Variants in FAM222A observed in about 807,000 individuals in gnomAD.
FAM222A encodes the protein protein FAM222A.
FAM222A carries 7 observed loss-of-function variants against 25.8 expected under a neutral mutation model. The ratio of observed to expected loss-of-function variants is 0.27; its 90% CI spans 0.15 to 0.51. The LOEUF (loss-of-function observed/expected upper bound fraction) is 0.51. Ranked by LOEUF, FAM222A falls within the 20% of genes least tolerant of loss-of-function variation. The pLI is 0.97. For synonymous variants in FAM222A, 294 were observed against 298.8 expected, an observed-to-expected ratio of 0.98 and a Z score of 0.17; for missense variants, 573 against 640.5, an observed-to-expected ratio of 0.89 and a Z score of 1.14.
At chr12:109,730,545 C>G (rs1281799533) in intron 1 of FAM222A, among the ~76,000 whole-genome samples, 2 of 152,206 alleles carry the variant, frequency 1.3e-5, no homozygotes, top group Non-Finnish European at 2.9e-5. Context: ...AGACAAGAAG[C>G]TCAGATACTC....
chr12:109,754,524 G>GTAA (rs1888658052), intron 2 of FAM222A, among the ~76,000 whole-genome samples: 1 of 152,182 alleles, frequency 6.6e-6, no homozygotes, highest in Non-Finnish European at 1.5e-5. Context: ...AGTTTCTTTT[G>GTAA]TAATTTATTA....
At chr12:109,754,994 T>C (rs912263326) in intron 2 of FAM222A, among the ~76,000 whole-genome samples, 1 of 152,028 alleles carries the variant, frequency 6.6e-6, no homozygotes, top group Non-Finnish European at 1.5e-5. Flanking sequence ...ATTCAGCAAT[T>C]TGTCTTTTTA....
intron 2 of FAM222A, among the ~76,000 whole-genome samples, chr12:109,765,687 G>A (rs1025542817): frequency 3.3e-5 from 5 of 152,152 alleles, no homozygotes; most frequent in African/African-American, 9.7e-5. Flanking sequence ...GTGAGCCCAC[G>A]AGGTGTCAGG....
chr12:109,738,417 T>C (rs1888143813), intron 1 of FAM222A, among the ~76,000 whole-genome samples: 1 of 152,156 alleles, frequency 6.6e-6, no homozygotes, highest in Non-Finnish European at 1.5e-5. Flanking sequence ...CATTTCAGGC[T>C]CCTATCTGCC....
intron 1 of FAM222A, chr12:109,720,116 G>A (rs1887720703): frequency 1.0e-6 from 1 of 985,322 alleles, no homozygotes; most frequent in African/African-American, 1.7e-5. Context: ...TGGGTGGGCT[G>A]GGCTTGAATA....
At chr12:109,718,697 C>T (rs1887695153) in intron 1 of FAM222A, among the ~76,000 whole-genome samples, 1 of 152,196 alleles carries the variant, frequency 6.6e-6, no homozygotes, top group South Asian at 2.1e-4. Context: ...GGCCGGTCAC[C>T]TCCGCGGGCG....
chr12:109,736,135 A>G (rs1316694816), intron 1 of FAM222A, among the ~76,000 whole-genome samples: 5 of 152,238 alleles, frequency 3.3e-5, no homozygotes, highest in South Asian at 2.1e-4. Flanking sequence ...CTGGCCCTGC[A>G]TAGGTGAGGT....
rs748522108 is a variant in FAM222A at position 109,768,491 on chromosome 12, G to A, written c.562G>A (p.Gly188Ser). 1.9e-6 allele frequency: 3 copies of A among 1,604,504 alleles called. No individual in the cohort carries two copies. Among genetic ancestry groups the A allele is most frequent in the South Asian group, 2.2e-5 (2 of 90,948 alleles). Residue 188 changes from glycine to serine, a missense_variant, in exon 3 of 3, where the codon GGC (glycine) becomes AGC (serine). By Grantham distance (56) the Gly-to-Ser change is moderately conservative. Transcript: ENST00000538780. ...AASVIPLPGR[G>S]LPLPPSNLPS... ...CTCCGTCATCCCCCTGCCGGGCCGGGGCCTGCCCCTGCCACCTTCCAACCT... is the reference window on the plus strand; with the variant it reads ...CTCCGTCATCCCCCTGCCGGGCCGGAGCCTGCCCCTGCCACCTTCCAACCT...
chr12:109,726,667 A>G (rs1450848659), intron 1 of FAM222A, among the ~76,000 whole-genome samples: 1 of 152,216 alleles, frequency 6.6e-6, no homozygotes, highest in African/African-American at 2.4e-5. Flanking sequence ...GATGGTCAGC[A>G]CCAACGGGAT....
chr12:109,768,821 C>G lies in FAM222A; in HGVS notation c.892C>G (p.Gln298Glu). Residue 298 changes from glutamine to glutamate, a missense_variant, in exon 3 of 3, where the codon CAG becomes GAG. Gln to Glu is a conservative substitution (Grantham distance 29, BLOSUM62 2). This residue lies in a region of FAM222A where 412 missense variants were observed against 407.0 expected (regional missense o/e 1.01). Coordinates refer to ENST00000538780, the MANE Select transcript of FAM222A (RefSeq NM_032829.3). ...WPQKPPPPPP[Q>E]PLRAYSGSTV... Reference sequence around the variant, plus strand: ...GCAGAAACCGCCCCCACCGCCGCCCCAGCCACTGCGTGCCTACAGTGGGAG... The same window carrying G: ...GCAGAAACCGCCCCCACCGCCGCCCGAGCCACTGCGTGCCTACAGTGGGAG... 1 of 1,576,494 alleles carries G rather than the reference C, an allele frequency of 6.3e-7. No homozygotes were observed. The highest frequency in any genetic ancestry group is 8.6e-7 in the Non-Finnish European group (1 of 1,167,696).
At chr12:109,742,610 TC>T (rs1345506842) in intron 1 of FAM222A, among the ~76,000 whole-genome samples, 2 of 55,406 alleles carry the variant, frequency 3.6e-5, no homozygotes, top group African/African-American at 1.3e-4. Context: ...TCTCTCTCGC[TC>T]TTTTTTTTTT....
At chr12:109,739,675 T>A (rs572625572) in intron 1 of FAM222A, among the ~76,000 whole-genome samples, 9 of 152,272 alleles carry the variant, frequency 5.9e-5, no homozygotes, top group Non-Finnish European at 1.2e-4. Context: ...AAGCAGACCC[T>A]TGCTTCCATC....
intron 2 of FAM222A, among the ~76,000 whole-genome samples, chr12:109,745,216 T>C (rs182429103): frequency 7.8e-4 from 119 of 152,348 alleles, no homozygotes; most frequent in Non-Finnish European, 9.4e-4. Flanking sequence ...CAAATATGTA[T>C]GGAGACGCAT....
chr12:109,768,656 G>T lies in FAM222A; in HGVS notation c.727G>T (p.Ala243Ser). Residue 243 changes from alanine to serine, a missense_variant, in exon 3 of 3, where the codon GCC becomes TCC. Around this residue, in one of 3 missense-constraint regions of FAM222A, gnomAD observed 412 missense variants for 407.0 expected, o/e 1.01. Coordinates refer to ENST00000538780, the MANE Select transcript of FAM222A (RefSeq NM_032829.3). ...CCCAGTGCCCAGCTTCCCCAGCATG[G>T]CCTACTCGGCTGCAGCCGGTCTGCC... is the stretch of plus-strand genomic sequence containing the variant. ...HGPVPSFPSM[A>S]YSAAAGLPDC... The T allele has an allele frequency of 1.3e-6, 2 of 1,598,950 alleles. No homozygotes were observed. The highest frequency in any genetic ancestry group is 1.7e-6 in the Non-Finnish European group (2 of 1,178,364).
chr12:109,763,168 G>T (rs1377774151), intron 2 of FAM222A, among the ~76,000 whole-genome samples: 1 of 152,212 alleles, frequency 6.6e-6, no homozygotes. Flanking sequence ...GCTTTGCCCT[G>T]CCTCAAGGTG....
chr12:109,747,469 T>G (rs1888434291), intron 2 of FAM222A, among the ~76,000 whole-genome samples: 1 of 152,236 alleles, frequency 6.6e-6, no homozygotes, highest in Non-Finnish European at 1.5e-5. Context: ...CCTTGGCTCT[T>G]TTATTATTTT....
chr12:109,728,901 A>C (rs976451673), intron 1 of FAM222A, among the ~76,000 whole-genome samples: 3 of 151,266 alleles, frequency 2.0e-5, no homozygotes, highest in African/African-American at 7.3e-5. Flanking sequence ...GACTAACCGA[A>C]CCCCTACTAT....
chr12:109,716,769 T>G (rs979665100), intron 1 of FAM222A, among the ~76,000 whole-genome samples: 4 of 152,234 alleles, frequency 2.6e-5, no homozygotes, highest in Admixed American at 1.3e-4. Context: ...ATTGGGCAAT[T>G]CCTTCTGTTC....
chr12:109,763,788 G>A (rs1204003673), intron 2 of FAM222A, among the ~76,000 whole-genome samples: 2 of 152,192 alleles, frequency 1.3e-5, no homozygotes, highest in African/African-American at 2.4e-5. Context: ...ATACCAGGAG[G>A]TATAAAAATC....
Sources: allele counts gnomAD v4.1 joint callset (sites outside exome capture counted in the v4.1 genomes callset), GRCh38; gene constraint gnomAD v4.1.1; regional missense constraint gnomAD v4.1.1; transcripts MANE v1.5; gene names NCBI Gene and HGNC (gene_info 2026-07-23, HGNC 2026-07-21).